OSBPL1A: variants seen among roughly 807,000 people sequenced by gnomAD.
The protein encoded by OSBPL1A is oxysterol binding protein like 1A.
Under a neutral mutation model 137.1 loss-of-function variants are expected in OSBPL1A, and 80 were observed. The ratio of observed to expected loss-of-function variants is 0.58; its 90% confidence interval spans 0.49 to 0.70. The LOEUF is 0.70. Ranked by LOEUF, OSBPL1A falls within the 30% of genes least tolerant of loss-of-function variation. OSBPL1A has a pLI of 0.00. For synonymous variants in OSBPL1A, 365 were observed against 389.7 expected (o/e 0.94, Z 0.75); for missense variants, 970 against 1,129.4 (o/e 0.86, Z 2.02).
At chr18:24,167,249 C>T (rs1318533636) in intron 25 of OSBPL1A, 80 bp downstream of exon 25, 2 of 1,331,830 alleles carry the variant, frequency 1.5e-6, no homozygotes, top group Non-Finnish European at 2.2e-6. Context: ...GCTGCCTGGG[C>T]CGACCCTACA....
chr18:24,195,474 A>ACC (rs2145944003), intron 18 of OSBPL1A, among the ~76,000 whole-genome samples: 1 of 152,288 alleles, frequency 6.6e-6, no homozygotes, highest in East Asian at 1.9e-4. Context: ...CAATTGCAAA[A>ACC]TGTTAAAAGG....
intron 15 of OSBPL1A, among the ~76,000 whole-genome samples, chr18:24,260,466 G>C (rs1377140566): frequency 6.6e-6 from 1 of 152,158 alleles, no homozygotes; most frequent in African/African-American, 2.4e-5. Flanking sequence ...ATACTTCTTA[G>C]CCATCAAAGG....
chr18:24,169,721 C>A (rs145228076), intron 24 of OSBPL1A, among the ~76,000 whole-genome samples: 1 of 152,120 alleles, frequency 6.6e-6, no homozygotes, highest in East Asian at 1.9e-4. Flanking sequence ...GTGCAGTCCT[C>A]GAGCATTTAT....
chr18:24,363,772 G>A lies in OSBPL1A; in HGVS notation c.282+3120C>T, dbSNP rs1220573458. Among the ~76,000 whole-genome samples the A allele has an allele frequency of 2.0e-5, 3 of 151,904 alleles. No individual in the cohort carries two copies. In the East Asian group the frequency reaches 5.8e-4, roughly 29 times the overall value. On this transcript the variant is annotated intron_variant, in intron 4 of 27. Coordinates refer to ENST00000319481, the MANE Select transcript of OSBPL1A (RefSeq NM_080597.4). Reference sequence around the variant, plus strand: ...TCCTCCAACCTCAGCCTCCCGAGCAGTTGGGACTACAGATGCACACCACCA... The same window carrying A: ...TCCTCCAACCTCAGCCTCCCGAGCAATTGGGACTACAGATGCACACCACCA...
intron 13 of OSBPL1A, among the ~76,000 whole-genome samples, chr18:24,306,489 T>C (rs2090503421): frequency 6.6e-6 from 1 of 152,120 alleles, no homozygotes; most frequent in African/African-American, 2.4e-5. Context: ...TAAAAATGAA[T>C]AAACTACTAA....
At chr18:24,226,909 T>TG (rs1397242409) in intron 16 of OSBPL1A, among the ~76,000 whole-genome samples, 1 of 121,038 alleles carries the variant, frequency 8.3e-6, no homozygotes, top group Non-Finnish European at 1.8e-5. Context: ...TTTTTTTTTT[T>TG]GAGATGGAGT....
chr18:24,178,231 A>C, intron 20 of OSBPL1A, 36 bp from the exon 21 acceptor site: 2 of 1,471,014 alleles, frequency 1.4e-6, no homozygotes, highest in Non-Finnish European at 1.8e-6. Context: ...GAAAAAAAAA[A>C]GCAACATTAT....
At chr18:24,254,289 C>T (rs529027322) in intron 15 of OSBPL1A, among the ~76,000 whole-genome samples, 4 of 152,188 alleles carry the variant, frequency 2.6e-5, no homozygotes, top group East Asian at 1.9e-4. Flanking sequence ...TGGACAGATC[C>T]CCCAGACAGA....
At chr18:24,392,036 T>G (rs1400352338) in intron 1 of OSBPL1A, among the ~76,000 whole-genome samples, 1 of 152,052 alleles carries the variant, frequency 6.6e-6, no homozygotes, top group African/African-American at 2.4e-5. Context: ...TCGTATTTTT[T>G]GTAGAGTCAG....
intron 14 of OSBPL1A, among the ~76,000 whole-genome samples, chr18:24,284,310 G>A (rs2090025831): frequency 6.6e-6 from 1 of 152,134 alleles, no homozygotes; most frequent in Admixed American, 6.5e-5. Context: ...AATATTTAGA[G>A]ACTAAACTGT....
intron 4 of OSBPL1A, among the ~76,000 whole-genome samples, chr18:24,351,165 T>C (rs1400293197): frequency 6.6e-6 from 1 of 151,562 alleles, no homozygotes; most frequent in Non-Finnish European, 1.5e-5. Context: ...CTGGCCAACA[T>C]GGTAAAACCC....
intron 4 of OSBPL1A, among the ~76,000 whole-genome samples, chr18:24,353,560 A>G (rs1430738802): frequency 6.6e-6 from 1 of 151,830 alleles, no homozygotes; most frequent in Non-Finnish European, 1.5e-5. Flanking sequence ...CAGCCATCCC[A>G]TTACTGGGTA....
intron 1 of OSBPL1A, among the ~76,000 whole-genome samples, chr18:24,391,178 A>G (rs1374625796): frequency 6.6e-6 from 1 of 152,208 alleles, no homozygotes; most frequent in African/African-American, 2.4e-5. Flanking sequence ...AGTGAAATAA[A>G]TCACTCACAA....
At chr18:24,384,300 G>A (rs553992248) in intron 1 of OSBPL1A, among the ~76,000 whole-genome samples, 10 of 152,338 alleles carry the variant, frequency 6.6e-5, no homozygotes, top group East Asian at 1.9e-4. Context: ...CAGACTGGGC[G>A]TGGTATCTCA....
intron 15 of OSBPL1A, among the ~76,000 whole-genome samples, chr18:24,262,663 T>C (rs2089468233): frequency 6.6e-6 from 1 of 152,180 alleles, no homozygotes; most frequent in Non-Finnish European, 1.5e-5. Flanking sequence ...TACGCCGCCA[T>C]GTAACTAGCA....
intron 21 of OSBPL1A, among the ~76,000 whole-genome samples, chr18:24,176,117 T>G (rs942822966): frequency 1.4e-4 from 22 of 152,386 alleles, no homozygotes; most frequent in African/African-American, 5.3e-4. Context: ...AAAATTATTT[T>G]GGCTGTTCTG....
At chr18:24,260,241 C>T (rs535401364) in intron 15 of OSBPL1A, among the ~76,000 whole-genome samples, 3 of 152,164 alleles carry the variant, frequency 2.0e-5, no homozygotes, top group South Asian at 2.1e-4. Context: ...TCAGCCACTG[C>T]GGAAAACAGT....
intron 1 of OSBPL1A, among the ~76,000 whole-genome samples, chr18:24,378,891 GTC>G (rs1486706366): frequency 6.6e-6 from 1 of 152,158 alleles, no homozygotes; most frequent in Admixed American, 6.6e-5. Flanking sequence ...GAAGTTAGCA[GTC>G]AACAGGGCCC....
At chr18:24,199,265 G>A (rs542946026) in intron 17 of OSBPL1A, among the ~76,000 whole-genome samples, 6 of 152,224 alleles carry the variant, frequency 3.9e-5, no homozygotes, top group Admixed American at 1.3e-4. Flanking sequence ...GCTAAGGGAC[G>A]TGCAAAGCTA....
Sources: allele counts gnomAD v4.1 joint callset (sites outside exome capture counted in the v4.1 genomes callset), GRCh38; gene constraint gnomAD v4.1.1; transcripts MANE v1.5; gene names NCBI Gene and HGNC (gene_info 2026-07-23, HGNC 2026-07-21).